The following ENTREP2 variants were observed in gnomAD, a reference collection of about 807,000 sequenced individuals.
ENTREP2 encodes the protein protein ENTREP2.
the ENTREP2 span, among the ~76,000 whole-genome samples, chr15:29,308,340 C>T: frequency 6.6e-6 from 1 of 151,934 alleles, no homozygotes. Flanking sequence ...CATGCCACTG[C>T]ACTCCAGCCT....
the ENTREP2 span, among the ~76,000 whole-genome samples, chr15:29,373,143 G>C: frequency 6.6e-6 from 1 of 151,176 alleles, no homozygotes; most frequent in East Asian, 1.9e-4. Flanking sequence ...ACTTAAAACA[G>C]AAAAGTATTA....
the ENTREP2 span, among the ~76,000 whole-genome samples, chr15:29,648,186 A>T: frequency 6.6e-6 from 1 of 152,234 alleles, no homozygotes; most frequent in African/African-American, 2.4e-5. Context: ...CTTTAGCTCA[A>T]CAACATGGGA....
chr15:29,390,194 C>T, the ENTREP2 span, among the ~76,000 whole-genome samples: 1 of 152,166 alleles, frequency 6.6e-6, no homozygotes, highest in South Asian at 2.1e-4. Context: ...TTCCAGCTAC[C>T]AGCAAGGATT....
At chr15:29,411,252 A>G in the ENTREP2 span, among the ~76,000 whole-genome samples, 1 of 152,196 alleles carries the variant, frequency 6.6e-6, no homozygotes, top group Non-Finnish European at 1.5e-5. Flanking sequence ...GTGCATGTTC[A>G]GCTATAGAAA....
chr15:29,223,254 C>T, the ENTREP2 span, among the ~76,000 whole-genome samples: 1 of 152,126 alleles, frequency 6.6e-6, no homozygotes, highest in East Asian at 1.9e-4. Context: ...TGAAAAGTTT[C>T]GAGTTCCAGG....
the ENTREP2 span, among the ~76,000 whole-genome samples, chr15:29,534,256 G>A: frequency 6.6e-6 from 1 of 151,870 alleles, no homozygotes; most frequent in Non-Finnish European, 1.5e-5. Flanking sequence ...CTATTTTCTC[G>A]CTGGAGTGTC....
the ENTREP2 span, among the ~76,000 whole-genome samples, chr15:29,334,973 C>T: frequency 2.7e-4 from 41 of 152,294 alleles, no homozygotes; most frequent in African/African-American, 9.4e-4. Flanking sequence ...GACATTCCAT[C>T]GCAGCAGAAA....
the ENTREP2 span, among the ~76,000 whole-genome samples, chr15:29,517,125 A>C: frequency 6.6e-6 from 1 of 152,136 alleles, no homozygotes; most frequent in Middle Eastern, 3.2e-3. Context: ...CTTAAACATA[A>C]GACTATGAGG....
At chr15:29,276,637 C>T in the ENTREP2 span, among the ~76,000 whole-genome samples, 1 of 152,238 alleles carries the variant, frequency 6.6e-6, no homozygotes, top group Non-Finnish European at 1.5e-5. Flanking sequence ...GCGAAGCCAA[C>T]TCAAAAGAGA....
At chr15:29,256,980 C>A in the ENTREP2 span, among the ~76,000 whole-genome samples, 8 of 152,038 alleles carry the variant, frequency 5.3e-5, no homozygotes, top group African/African-American at 1.9e-4. Context: ...ACACAAATAA[C>A]CCTATTCCCT....
the ENTREP2 span, among the ~76,000 whole-genome samples, chr15:29,611,905 T>C: frequency 6.6e-6 from 1 of 152,210 alleles, no homozygotes; most frequent in Non-Finnish European, 1.5e-5. Context: ...TGCCTGTGCG[T>C]TCTGTCTGCC....
chr15:29,507,586 A>G, the ENTREP2 span, among the ~76,000 whole-genome samples: 1 of 152,242 alleles, frequency 6.6e-6, no homozygotes, highest in African/African-American at 2.4e-5. Flanking sequence ...ATTAGAACTT[A>G]GGATTAAGAA....
At chr15:29,510,600 T>C in the ENTREP2 span, among the ~76,000 whole-genome samples, 1 of 151,570 alleles carries the variant, frequency 6.6e-6, no homozygotes, top group South Asian at 2.1e-4. Context: ...GGTCAGGAGA[T>C]CGAGACCATC....
chr15:29,280,281 T>C, the ENTREP2 span, among the ~76,000 whole-genome samples: 162 of 152,314 alleles, frequency 1.1e-3, no homozygotes, highest in African/African-American at 3.6e-3. Context: ...TCTGGCCCCC[T>C]GAGTGAGGAG....
the ENTREP2 span, among the ~76,000 whole-genome samples, chr15:29,353,537 T>G: frequency 6.6e-6 from 1 of 152,234 alleles, no homozygotes; most frequent in Non-Finnish European, 1.5e-5. Context: ...TACACATGTA[T>G]GCAGCAGGCT....
chr15:29,421,952 G>A, the ENTREP2 span, among the ~76,000 whole-genome samples: 1 of 152,196 alleles, frequency 6.6e-6, no homozygotes, highest in Non-Finnish European at 1.5e-5. Context: ...CAGCATGGTG[G>A]AGGCCTGAAA....
At chr15:29,433,760 C>T in the ENTREP2 span, among the ~76,000 whole-genome samples, 4 of 140,948 alleles carry the variant, frequency 2.8e-5, no homozygotes, top group African/African-American at 1.1e-4. Flanking sequence ...TCTCAGACAC[C>T]AAACACAGAC....
At chr15:29,289,387 G>A in the ENTREP2 span, among the ~76,000 whole-genome samples, 1 of 152,058 alleles carries the variant, frequency 6.6e-6, no homozygotes, top group Non-Finnish European at 1.5e-5. Flanking sequence ...CTATGGCTAA[G>A]ATGAAAATGA....
the ENTREP2 span, among the ~76,000 whole-genome samples, chr15:29,310,388 G>A: frequency 6.6e-6 from 1 of 152,190 alleles, no homozygotes; most frequent in Non-Finnish European, 1.5e-5. Context: ...GACGGATGAC[G>A]CTCACTGGAG....
Sources: allele counts gnomAD v4.1 joint callset (sites outside exome capture counted in the v4.1 genomes callset), GRCh38; gene constraint gnomAD v4.1.1; transcripts MANE v1.5; gene names NCBI Gene and HGNC (gene_info 2026-07-23, HGNC 2026-07-21).